Variants in CNNM2 observed in about 807,000 individuals in gnomAD.
CNNM2 encodes the protein metal transporter CNNM2.
CNNM2 carries 12 observed loss-of-function variants against 66.9 expected under a neutral mutation model. The observed-to-expected ratio is 0.18, with a 90% CI of 0.11 to 0.29. CNNM2 has a LOEUF of 0.29. CNNM2 is among the 10% of genes least tolerant of loss of function. CNNM2 has a pLI of 1.00. For synonymous variants in CNNM2, 557 were observed against 501.8 expected (o/e 1.11, Z -1.47); for missense variants, 705 against 1,167.7 (o/e 0.60, Z 5.77).
intron 1 of CNNM2, among the ~76,000 whole-genome samples, chr10:102,926,712 A>ATTTTTT (rs376861078): frequency 1.8e-5 from 2 of 113,804 alleles, no homozygotes; most frequent in Non-Finnish European, 3.5e-5. Flanking sequence ...CACCCAGCTA[A>ATTTTTT]TTTTTTTTTT....
intron 1 of CNNM2, among the ~76,000 whole-genome samples, chr10:102,975,294 T>A (rs2063608193): frequency 6.6e-6 from 1 of 152,118 alleles, no homozygotes; most frequent in South Asian, 2.1e-4. Flanking sequence ...GCACTCATAA[T>A]ATACTATCAT....
chr10:102,918,614 C>A lies in CNNM2; in HGVS notation c.134C>A (p.Ala45Glu), dbSNP rs765928831. The A allele has an allele frequency of 7.1e-6, 11 of 1,547,844 alleles. No individual in the cohort carries two copies. In the Admixed American group the frequency reaches 2.2e-4, roughly 31 times the overall value. ...ARGRGILQAAAGRLLPLLLLS... is the reference protein window; with the variant it reads ...ARGRGILQAAEGRLLPLLLLS... ...GGCCGGGGGATCCTGCAGGCGGCTG[C>A]GGGGCGGCTGCTGCCGCTGCTCCTG... The change falls in exon 1 of 8, where the codon GCG (alanine) becomes GAG (glutamate). Residue 45 changes from alanine (A) to glutamate (E), a missense_variant. This residue lies in a region of CNNM2 where 98 missense variants were observed against 73.6 expected (regional missense o/e 1.33). Transcript: ENST00000369878. The surrounding 1 kb of genome is among the most constrained non-coding windows in gnomAD (Gnocchi z 4.1).
intron 1 of CNNM2, among the ~76,000 whole-genome samples, chr10:102,943,607 G>A (rs189325767): frequency 8.5e-5 from 13 of 152,246 alleles, no homozygotes; most frequent in Non-Finnish European, 1.5e-4. Flanking sequence ...AAAAAGTCAA[G>A]AGTACTCATT....
chr10:102,929,092 T>C (rs1845975721), intron 1 of CNNM2, among the ~76,000 whole-genome samples: 1 of 151,774 alleles, frequency 6.6e-6, no homozygotes, highest in Admixed American at 6.6e-5. Context: ...AAACCCAGTC[T>C]CCACTAAAAA....
At chr10:103,068,465 T>C (rs894916245) in intron 4 of CNNM2, 164 bp from the exon 5 acceptor site, 14 of 643,362 alleles carry the variant, frequency 2.2e-5, no homozygotes, top group Admixed American at 9.8e-5. Context: ...TTAAAGCGAA[T>C]GAGCCCCCTC....
In CNNM2 at chr10:103,080,071, G is replaced by A. The variant is rs1294277823; in HGVS notation, c.*2891G>A. 4 of 152,256 alleles carry A rather than the reference G, an allele frequency of 2.6e-5. No homozygotes were observed. Among genetic ancestry groups the A allele is most frequent in the Non-Finnish European group, 5.9e-5 (4 of 68,084 alleles). 9.4% of individuals were successfully genotyped at this position (152,256 alleles called of 1,614,324 possible). A position where few individuals can be genotyped will look rare whatever the true frequency, so the allele number is the denominator to read the frequency against. ...TGCGGTCTCGATGTGGCTGCTCTTTGGCACCTCCGCTGGACTGCCCTCCCG... is the reference window on the plus strand; with the variant it reads ...TGCGGTCTCGATGTGGCTGCTCTTTAGCACCTCCGCTGGACTGCCCTCCCG... On this transcript the variant is annotated 3_prime_UTR_variant, in exon 8 of 8. Coordinates refer to ENST00000369878, the MANE Select transcript of CNNM2 (RefSeq NM_017649.5).
intron 3 of CNNM2, among the ~76,000 whole-genome samples, 197 bp from the exon 4 acceptor site, chr10:103,056,598 C>G (rs969699685): frequency 2.0e-4 from 30 of 152,232 alleles, no homozygotes; most frequent in African/African-American, 7.0e-4. Flanking sequence ...GTAAAAGGAA[C>G]AAATGTGAGA....
intron 1 of CNNM2, among the ~76,000 whole-genome samples, chr10:102,974,240 AGAGGGAAAAG>A (rs1217012634): frequency 1.3e-5 from 2 of 152,206 alleles, no homozygotes; most frequent in Non-Finnish European, 2.9e-5. Context: ...TAAACATAAG[AGAGGGAAAAG>A]CACAAAAAAC....
chr10:103,069,934 CTG>C (rs1223458521), intron 5 of CNNM2, among the ~76,000 whole-genome samples: 3 of 152,226 alleles, frequency 2.0e-5, no homozygotes, highest in Non-Finnish European at 4.4e-5. Flanking sequence ...CCAGACAAGA[CTG>C]TTTCTGTGAC....
At chr10:103,076,902 T>C in intron 7 of CNNM2, 69 bp from the exon 8 acceptor site, 1 of 1,388,082 alleles carries the variant, frequency 7.2e-7, no homozygotes, top group Non-Finnish European at 1.0e-6. Flanking sequence ...GGATTGAACG[T>C]GTGGAGATCA....
chr10:103,066,208 A>G (rs1334046819), intron 4 of CNNM2, among the ~76,000 whole-genome samples: 1 of 151,374 alleles, frequency 6.6e-6, no homozygotes, highest in East Asian at 2.0e-4. Context: ...TGGTCCTGTT[A>G]TGGTTTCAGT....
chr10:102,921,340 G>A, intron 1 of CNNM2, among the ~76,000 whole-genome samples: 1 of 152,138 alleles, frequency 6.6e-6, no homozygotes, highest in East Asian at 1.9e-4. Flanking sequence ...CTCTGAAAAA[G>A]GTGATATGTA....
chr10:103,040,567 A>G (rs1199311463), intron 1 of CNNM2, among the ~76,000 whole-genome samples: 3 of 152,198 alleles, frequency 2.0e-5, no homozygotes, highest in South Asian at 2.1e-4. Flanking sequence ...ATGGAGGAGT[A>G]GAGAAGAAAC....
At chr10:102,927,328 C>G (rs762567643) in intron 1 of CNNM2, 3 of 1,613,600 alleles carry the variant, frequency 1.9e-6, no homozygotes, top group Admixed American at 1.7e-5. Flanking sequence ...CTTTTCATCT[C>G]TTTTTGTTTT....
chr10:102,949,977 T>C (rs1846767531), intron 1 of CNNM2, among the ~76,000 whole-genome samples: 1 of 152,178 alleles, frequency 6.6e-6, no homozygotes, highest in Non-Finnish European at 1.5e-5. Flanking sequence ...AGCACTCTAT[T>C]AGTTATAAAA....
intron 1 of CNNM2, among the ~76,000 whole-genome samples, chr10:103,046,563 G>T (rs1311864058): frequency 6.6e-6 from 1 of 152,076 alleles, no homozygotes; most frequent in Non-Finnish European, 1.5e-5. Context: ...TACTGTATTT[G>T]AATTAAAACA....
Position 102,919,545 on chromosome 10 carries a change from C to T in CNNM2, c.1065C>T (p.Phe355=), listed in dbSNP as rs368201612. ...VVVSTIGIVI[F]GEIVPQAICS... ...TCTCCACCATCGGTATCGTCATCTTCGGAGAGATCGTGCCCCAGGCCATCT... is the reference window on the plus strand; with the variant it reads ...TCTCCACCATCGGTATCGTCATCTTTGGAGAGATCGTGCCCCAGGCCATCT... The change falls in exon 1 of 8, where the codon TTC becomes TTT. Residue 355 remains phenylalanine (F), a synonymous_variant. Transcript: ENST00000369878. 3.7e-6 allele frequency: 6 copies of T among 1,613,368 alleles called. No homozygotes were observed. Among genetic ancestry groups the T allele is most frequent in the African/African-American group, 2.7e-5 (2 of 75,072 alleles).
chr10:102,997,101 A>G (rs914903071), intron 1 of CNNM2, among the ~76,000 whole-genome samples: 2 of 152,194 alleles, frequency 1.3e-5, no homozygotes, highest in African/African-American at 4.8e-5. Flanking sequence ...TGTCCTAAAG[A>G]AGGTGAAGAG....
intron 1 of CNNM2, among the ~76,000 whole-genome samples, chr10:102,967,514 A>G (rs1253248335): frequency 6.6e-6 from 1 of 152,202 alleles, no homozygotes; most frequent in African/African-American, 2.4e-5. Context: ...TTTCCTATAA[A>G]AGGAATCATA....
Sources: gnomAD v4.1 joint callset for allele counts (sites outside exome capture counted in the v4.1 genomes callset) on GRCh38, gnomAD v4.1.1 for gene constraint, gnomAD v4.1.1 regional missense constraint, Gnocchi (gnomAD v3.1) non-coding constraint, MANE v1.5 for transcripts, NCBI Gene and HGNC (gene_info 2026-07-23, HGNC 2026-07-21) for gene names.